Variants in SLC25A10 observed in about 807,000 individuals in gnomAD.
SLC25A10 encodes the protein mitochondrial dicarboxylate carrier.
Under a neutral mutation model 40.4 loss-of-function variants are expected in SLC25A10, and 32 were observed. That is an observed-to-expected ratio of 0.79 (90% confidence interval 0.60 to 1.06). The LOEUF (loss-of-function observed/expected upper bound fraction) is 1.06, where lower values mean the gene tolerates loss of function less well. Ranked by LOEUF, SLC25A10 falls within the 50% of genes least tolerant of loss-of-function variation. The probability of loss-of-function intolerance (pLI) is 0.00; values close to 1 mark genes in which losing one functional copy is unlikely to be tolerated. For missense variants in SLC25A10, 394 were observed against 402.6 expected, an observed-to-expected ratio of 0.98 and a Z score of 0.18; for synonymous variants, 181 against 171.1, an observed-to-expected ratio of 1.06 and a Z score of -0.45.
rs778501282 is a variant in SLC25A10 at position 81,719,839 on chromosome 17, C to T, written c.714C>T (p.Phe238=). Residue 238 remains phenylalanine (F), a synonymous_variant, in exon 10 of 11, where the codon TTC becomes TTT. Coordinates refer to ENST00000350690, the MANE Select transcript of SLC25A10 (RefSeq NM_012140.5). ...CACTGCGTTTTCTGCAGGGCGTTTT[C>T]CACTGCGCCGTGGAGACAGCGAAGC... The part of the protein sequence containing the change: ...MNSKGEYQGV[F]HCAVETAKLG... 2 of 1,613,408 alleles carry T rather than the reference C, an allele frequency of 1.2e-6. No individual in the cohort carries two copies. Among genetic ancestry groups the T allele is most frequent in the Admixed American group, 3.3e-5 (2 of 60,026 alleles).
At chr17:81,716,618 C>T in intron 5 of SLC25A10, 194 bp from the exon 6 acceptor site, 1 of 611,750 alleles carries the variant, frequency 1.6e-6, no homozygotes. Flanking sequence ...AACCTCCTCC[C>T]TGAGGGCCGG....
chr17:81,715,812 G>C, intron 4 of SLC25A10, 71 bp downstream of exon 4: 1 of 1,591,650 alleles, frequency 6.3e-7, no homozygotes, highest in Admixed American at 1.7e-5. Context: ...GGCCTGCCAG[G>C]GCTGCTTGCA....
chr17:81,712,442 C>T lies in SLC25A10; in HGVS notation c.16C>T (p.Arg6Cys). 1 of 1,305,410 alleles carries T rather than the reference C, an allele frequency of 7.7e-7. No individual in the cohort carries two copies. The highest frequency in any genetic ancestry group is 2.3e-5 in the South Asian group (1 of 43,742). 80.9% of individuals were successfully genotyped at this position (1,305,410 alleles called of 1,614,324 possible). ...CTCCTGGGCCATGGCAGCCGAGGCG[C>T]GCGTGTCGCGCTGGTACTTCGGGGG... is the stretch of plus-strand genomic sequence containing the variant. Reference protein sequence around the residue: MAAEARVSRWYFGGLA... With the variant: MAAEACVSRWYFGGLA... The change falls in exon 1 of 11, where the codon CGC (arginine) becomes TGC (cysteine). Residue 6 changes from arginine to cysteine, a missense_variant. Transcript: ENST00000350690.
At chr17:81,718,338 G>A (rs1445848905) in intron 9 of SLC25A10, among the ~76,000 whole-genome samples, 1 of 151,718 alleles carries the variant, frequency 6.6e-6, no homozygotes, top group Non-Finnish European at 1.5e-5. Flanking sequence ...ACAAAAAATT[G>A]GCTGGGTGTG....
intron 1 of SLC25A10, chr17:81,713,595 C>A: frequency 1.7e-6 from 1 of 582,250 alleles, no homozygotes; most frequent in Non-Finnish European, 2.2e-6. Context: ...GCAGCCACGG[C>A]CAGTGAGATG....
chr17:81,720,678 G>A lies in SLC25A10; in HGVS notation c.*601G>A. ...CCAGGGTGGTTCTGGAGCCATTGTGGGTGAGGGTCGAGGGCCACCGAGGTC... is the reference window on the plus strand; with the variant it reads ...CCAGGGTGGTTCTGGAGCCATTGTGAGTGAGGGTCGAGGGCCACCGAGGTC... On this transcript the variant is annotated 3_prime_UTR_variant, in exon 11 of 11. Coordinates refer to ENST00000350690, the MANE Select transcript of SLC25A10 (RefSeq NM_012140.5). The A allele has an allele frequency of 1.4e-5, 7 of 512,778 alleles. No individual in the cohort carries two copies. Among genetic ancestry groups the A allele is most frequent in the Non-Finnish European group, 2.1e-5 (7 of 329,324 alleles). 31.8% of individuals were successfully genotyped at this position (512,778 alleles called of 1,614,324 possible).
rs746724011 is a variant in SLC25A10 at position 81,716,707 on chromosome 17, T to A, written c.420-105T>A. On this transcript the variant is annotated intron_variant, in intron 5 of 10. Transcript: ENST00000350690. ...GAGAGATCTTCAGGCCCATGAGGCC[T>A]CTGCTTCCTCGAGAACCCCCGGCCT... is the stretch of plus-strand genomic sequence containing the variant. The A allele has an allele frequency of 2.8e-5, 34 of 1,200,722 alleles. No individual in the cohort carries two copies. In the Admixed American group the frequency reaches 6.9e-4, roughly 24 times the overall value. 74.4% of individuals were successfully genotyped at this position (1,200,722 alleles called of 1,614,324 possible).
At chr17:81,715,618 G>GGGCGCGGGGTGGTCAGGTCGGCCGAGGA in intron 3 of SLC25A10, 26 bp downstream of exon 3, 1 of 1,611,624 alleles carries the variant, frequency 6.2e-7, no homozygotes. Flanking sequence ...GGAGGGGGAG[G>GGGCGCGGGGTGGTCAGGTCGGCCGAGGA]GGCGCGGGGT....
intron 9 of SLC25A10, 75 bp from the exon 10 acceptor site, chr17:81,719,731 ATGCCCAGGCCACCGTGCCTGGCTGG>A: frequency 7.0e-7 from 1 of 1,420,904 alleles, no homozygotes; most frequent in Non-Finnish European, 9.9e-7. Flanking sequence ...CACATTGAGA[ATGCCCAGGCCACCGTGCCTGGCTGG>A]TGCCTGGGAG....
chr17:81,720,697 C>T lies in SLC25A10; in HGVS notation c.*620C>T, dbSNP rs761679613. 57 of 429,498 alleles carry T rather than the reference C, an allele frequency of 1.3e-4. No individual in the cohort carries two copies. The Middle Eastern group carries it at 1.8e-3, about 14-fold the overall frequency. 26.6% of individuals were successfully genotyped at this position (429,498 alleles called of 1,614,324 possible). On this transcript the variant is annotated 3_prime_UTR_variant, in exon 11 of 11. Coordinates refer to ENST00000350690, the MANE Select transcript of SLC25A10 (RefSeq NM_012140.5). Reference sequence around the variant, plus strand: ...ATTGTGGGTGAGGGTCGAGGGCCACCGAGGTCCCGCGCACCGCTGCCTGCC... The same window carrying T: ...ATTGTGGGTGAGGGTCGAGGGCCACTGAGGTCCCGCGCACCGCTGCCTGCC...
intron 6 of SLC25A10, 47 bp from the exon 7 acceptor site, chr17:81,716,955 G>GGCCTCACCTCTT (rs1555703512): frequency 7.9e-5 from 126 of 1,588,372 alleles, no homozygotes; most frequent in Non-Finnish European, 1.1e-4. Flanking sequence ...CCAGGTGCCT[G>GGCCTCACCTCTT]GCCTCACCCC....
chr17:81,713,608 G>C (rs968118002), intron 1 of SLC25A10: 8 of 472,240 alleles, frequency 1.7e-5, no homozygotes, highest in Non-Finnish European at 2.2e-5. Context: ...GTGAGATGCA[G>C]CCACAGCGAC....
At chr17:81,716,471 C>T (rs1214677102) in intron 5 of SLC25A10, among the ~76,000 whole-genome samples, 1 of 152,212 alleles carries the variant, frequency 6.6e-6, no homozygotes, top group African/African-American at 2.4e-5. Context: ...TCCCCCGCCC[C>T]TTCCAAGGAC....
At chr17:81,715,111 G>A (rs1460840834) in intron 2 of SLC25A10, 39 bp downstream of exon 2, 1 of 1,600,880 alleles carries the variant, frequency 6.2e-7, no homozygotes, top group Admixed American at 1.7e-5. Context: ...CCAGACTGGG[G>A]CTGAGTCCTG....
At chr17:81,717,094 G>T in intron 7 of SLC25A10, 22 bp downstream of exon 7, 1 of 1,611,578 alleles carries the variant, frequency 6.2e-7, no homozygotes. Flanking sequence ...GCGTGGGGTG[G>T]GTGTGGGCAG....
Position 81,719,995 on chromosome 17 carries a change from T to G in SLC25A10, c.782T>G (p.Ile261Ser). Residue 261 changes from isoleucine (I) to serine (S), a missense_variant, in exon 11 of 11, where the codon ATC (isoleucine) becomes AGC (serine). Ile to Ser is a moderately radical substitution (Grantham distance 142). Coordinates refer to ENST00000350690, the MANE Select transcript of SLC25A10 (RefSeq NM_012140.5). Reference protein sequence around the residue: ...AFYKGLVPAGIRLIPHTVLTF... With the variant: ...AFYKGLVPAGSRLIPHTVLTF... ...CTCCAGGGCCTCGTCCCAGCTGGCA[T>G]CCGCCTCATCCCCCACACCGTGCTC... The G allele has an allele frequency of 1.2e-6, 2 of 1,613,816 alleles. No individual in the cohort carries two copies. Among genetic ancestry groups the G allele is most frequent in the Non-Finnish European group, 1.7e-6 (2 of 1,180,020 alleles).
At position 81,712,443 on chromosome 17, in the gene SLC25A10, G is replaced by A; in HGVS notation, c.17G>A (p.Arg6His). Residue 6 changes from arginine to histidine, a missense_variant, in exon 1 of 11, where the codon CGC (arginine) becomes CAC (histidine). Physicochemically the swap from Arg to His is conservative, Grantham distance 29 (BLOSUM62 0). Transcript: ENST00000350690. The part of the protein sequence containing the change: MAAEA[R>H]VSRWYFGGLA... ...TCCTGGGCCATGGCAGCCGAGGCGC[G>A]CGTGTCGCGCTGGTACTTCGGGGGG... 7.7e-7 allele frequency: 1 copy of A among 1,305,654 alleles called. No homozygotes were observed. Among genetic ancestry groups the A allele is most frequent in the Non-Finnish European group, 9.7e-7 (1 of 1,028,922 alleles). 80.9% of individuals were successfully genotyped at this position (1,305,654 alleles called of 1,614,324 possible).
At position 81,720,601 on chromosome 17, in the gene SLC25A10, G is replaced by C; in HGVS notation, c.*524G>C. On this transcript the variant is annotated 3_prime_UTR_variant, in exon 11 of 11. Transcript: ENST00000350690. ...ACTCCCCGCGAGACCCCGCAGCTGG[G>C]TGGGATGAACAAGCAACGCAGACCA... The C allele has an allele frequency of 8.9e-7, 1 of 1,121,084 alleles. No homozygotes were observed. The highest frequency in any genetic ancestry group is 1.1e-6 in the Non-Finnish European group (1 of 878,846). 69.4% of individuals were successfully genotyped at this position (1,121,084 alleles called of 1,614,324 possible).
intron 8 of SLC25A10, 47 bp downstream of exon 8, chr17:81,717,538 G>C: frequency 1.9e-6 from 3 of 1,598,094 alleles, no homozygotes; most frequent in Non-Finnish European, 2.6e-6. Context: ...GCCGGCCTTG[G>C]GCGCTGAGGG....
Sources: allele counts gnomAD v4.1 joint callset (sites outside exome capture counted in the v4.1 genomes callset), GRCh38; gene constraint gnomAD v4.1.1; transcripts MANE v1.5; gene names NCBI Gene and HGNC (gene_info 2026-07-23, HGNC 2026-07-21).